EYS: variants seen among roughly 807,000 people sequenced by gnomAD.
EYS encodes protein eyes shut homolog.
Under a neutral mutation model 282.1 loss-of-function variants are expected in EYS, and 250 were observed. The observed-to-expected ratio is 0.89, with a 90% CI of 0.80 to 0.98. EYS has a LOEUF of 0.98. EYS is among the 50% of genes least tolerant of loss of function. The pLI, the probability that EYS is intolerant of heterozygous loss-of-function variation, is 0.00. For missense variants in EYS, 4,016 were observed against 3,709.0 expected (o/e 1.08, Z -2.15); for synonymous variants, 1,355 against 1,282.9 (o/e 1.06, Z -1.20).
intron 2 of EYS, among the ~76,000 whole-genome samples, chr6:65,633,909 A>T (rs1034925834): frequency 6.6e-6 from 1 of 152,244 alleles, no homozygotes; most frequent in Non-Finnish European, 1.5e-5. Flanking sequence ...ACATGGTCCC[A>T]AAGTCTTCAG....
intron 22 of EYS, among the ~76,000 whole-genome samples, chr6:64,684,061 C>A (rs1156760713): frequency 6.6e-6 from 1 of 152,154 alleles, no homozygotes; most frequent in African/African-American, 2.4e-5. Context: ...CTCACTCTTT[C>A]TTTTACCTTC....
intron 35 of EYS, among the ~76,000 whole-genome samples, chr6:63,965,367 C>G (rs1766258251): frequency 6.6e-6 from 1 of 152,142 alleles, no homozygotes; most frequent in Non-Finnish European, 1.5e-5. Context: ...AGATTTTCTG[C>G]CCCTGCTTTC....
intron 13 of EYS, among the ~76,000 whole-genome samples, chr6:65,001,687 T>A (rs1241128764): frequency 6.8e-6 from 1 of 147,960 alleles, no homozygotes; most frequent in Non-Finnish European, 1.5e-5. Flanking sequence ...GTGTCTTCTG[T>A]CTGTATTACT....
intron 30 of EYS, among the ~76,000 whole-genome samples, chr6:64,293,839 T>C (rs1010612173): frequency 1.3e-5 from 2 of 152,138 alleles, no homozygotes; most frequent in Non-Finnish European, 2.9e-5. Context: ...AGAGAGTCAT[T>C]AGATTACATG....
At chr6:63,895,919 T>G (rs200986017) in intron 35 of EYS, among the ~76,000 whole-genome samples, 62,490 of 141,256 alleles carry the variant, frequency 0.44, 14,336 homozygotes, top group East Asian at 0.55. Flanking sequence ...TTTTTTTTTT[T>G]TTTTTTTTTT....
intron 31 of EYS, among the ~76,000 whole-genome samples, chr6:64,210,252 G>A (rs539522197): frequency 6.6e-6 from 1 of 152,314 alleles, no homozygotes; most frequent in South Asian, 2.1e-4. Flanking sequence ...GGCTGCCATA[G>A]CGAGTTATGT....
At chr6:65,073,189 G>T (rs1037052294) in intron 12 of EYS, among the ~76,000 whole-genome samples, 3 of 151,628 alleles carry the variant, frequency 2.0e-5, no homozygotes, top group Middle Eastern at 6.8e-3. Context: ...GATTTACAAT[G>T]AAAAGAAAAT....
At chr6:65,667,302 T>G (rs143957312) in intron 1 of EYS, among the ~76,000 whole-genome samples, 83 of 152,044 alleles carry the variant, frequency 5.5e-4, no homozygotes, top group African/African-American at 1.8e-3. Context: ...TCCTCACCTT[T>G]GTTTACAAAA....
chr6:64,153,366 G>C (rs898205277), intron 31 of EYS, among the ~76,000 whole-genome samples: 2 of 152,030 alleles, frequency 1.3e-5, no homozygotes, highest in African/African-American at 2.4e-5. Context: ...AAAGAAAGCA[G>C]AACTATATGT....
chr6:64,798,058 T>G (rs1375701653), intron 22 of EYS, among the ~76,000 whole-genome samples: 2 of 151,904 alleles, frequency 1.3e-5, no homozygotes, highest in African/African-American at 4.8e-5. Context: ...CGTATTAATA[T>G]AAAGTAACAA....
chr6:63,932,304 G>T (rs544857395), intron 35 of EYS, among the ~76,000 whole-genome samples: 1 of 152,096 alleles, frequency 6.6e-6, no homozygotes, highest in Admixed American at 6.6e-5. Flanking sequence ...CAAGGTGCAG[G>T]TATCTCTTTA....
intron 22 of EYS, among the ~76,000 whole-genome samples, chr6:64,714,132 T>C (rs16895710): frequency 0.022 from 3,386 of 152,238 alleles, 100 homozygotes; most frequent in East Asian, 0.14. Flanking sequence ...ATGATGGTGG[T>C]AAAATAAATG....
intron 12 of EYS, among the ~76,000 whole-genome samples, chr6:65,068,241 C>T (rs1192238351): frequency 6.6e-6 from 1 of 152,080 alleles, no homozygotes. Flanking sequence ...ATTCTACTTT[C>T]CAACGGAGTC....
At chr6:64,406,486 T>C (rs1281207325) in intron 28 of EYS, among the ~76,000 whole-genome samples, 1 of 152,108 alleles carries the variant, frequency 6.6e-6, no homozygotes, top group Admixed American at 6.5e-5. Flanking sequence ...CTAAAGAGCT[T>C]CTGCACAGCA....
chr6:64,446,167 G>A (rs1439974642), intron 26 of EYS, among the ~76,000 whole-genome samples: 1 of 152,130 alleles, frequency 6.6e-6, no homozygotes, highest in Non-Finnish European at 1.5e-5. Context: ...CATGGTTGTT[G>A]CTAGGTGGGT....
chr6:64,766,646 A>C (rs867627298), intron 22 of EYS, among the ~76,000 whole-genome samples: 5,242 of 14,006 alleles, frequency 0.37, 1,240 homozygotes, highest in South Asian at 0.53. Flanking sequence ...AAAAAAAAAA[A>C]AAAATATATA....
At chr6:65,646,090 T>C (rs1767441376) in intron 1 of EYS, among the ~76,000 whole-genome samples, 1 of 152,096 alleles carries the variant, frequency 6.6e-6, no homozygotes. Context: ...GCTGAATTCC[T>C]TCAGACATTC....
intron 26 of EYS, among the ~76,000 whole-genome samples, chr6:64,535,042 G>C (rs1292245132): frequency 6.6e-6 from 1 of 152,054 alleles, no homozygotes; most frequent in Admixed American, 6.6e-5. Context: ...CATTGTCTTA[G>C]TTTGAGATGC....
chr6:65,073,684 T>G (rs891715800), intron 12 of EYS, among the ~76,000 whole-genome samples: 1 of 151,852 alleles, frequency 6.6e-6, no homozygotes, highest in Non-Finnish European at 1.5e-5. Flanking sequence ...TGAGATATTC[T>G]GATTTTGTTG....
Sources: gnomAD v4.1 joint callset for allele counts (sites outside exome capture counted in the v4.1 genomes callset) on GRCh38, gnomAD v4.1.1 for gene constraint, MANE v1.5 for transcripts, NCBI Gene and HGNC (gene_info 2026-07-23, HGNC 2026-07-21) for gene names.